TXK: variants seen among roughly 807,000 people sequenced by gnomAD.
The protein encoded by TXK is TXK tyrosine kinase.
In TXK, 60 loss-of-function variants were observed where a neutral mutation model predicts 81.0. That is an observed-to-expected ratio of 0.74 (90% CI 0.60 to 0.92). The LOEUF (loss-of-function observed/expected upper bound fraction) is 0.92. Among genes scored for constraint, TXK ranks in the 40% least tolerant of loss-of-function variants. The pLI, the probability that TXK is intolerant of heterozygous loss-of-function variation, is 0.00. For missense variants in TXK, 581 were observed against 638.3 expected (o/e 0.91, Z 0.97); for synonymous variants, 203 against 210.7 (o/e 0.96, Z 0.32).
At chr4:48,094,347 GC>G (rs901063908) in intron 7 of TXK, 143 bp from the exon 8 acceptor site, 4 of 865,828 alleles carry the variant, frequency 4.6e-6, no homozygotes, top group Non-Finnish European at 7.0e-6. Flanking sequence ...TTCAACAAGT[GC>G]CCCCCCATGC....
chr4:48,085,173 A>G (rs1472142409), intron 10 of TXK, among the ~76,000 whole-genome samples: 3 of 152,180 alleles, frequency 2.0e-5, no homozygotes, highest in Admixed American at 1.3e-4. Flanking sequence ...GAGCCACAGA[A>G]ATGGGTTCAA....
intron 1 of TXK, among the ~76,000 whole-genome samples, chr4:48,116,773 T>C (rs979954212): frequency 1.3e-5 from 2 of 152,204 alleles, no homozygotes; most frequent in Non-Finnish European, 2.9e-5. Flanking sequence ...CAGATGGTTG[T>C]ATGTAAATCA....
intron 9 of TXK, 65 bp from the exon 10 acceptor site, chr4:48,086,702 A>C: frequency 6.9e-7 from 1 of 1,450,840 alleles, no homozygotes; most frequent in Non-Finnish European, 9.6e-7. Flanking sequence ...AGGGCTGGAA[A>C]ATGTTTAGGA....
intron 1 of TXK, among the ~76,000 whole-genome samples, chr4:48,129,835 G>C (rs1719201643): frequency 1.3e-5 from 2 of 152,144 alleles, no homozygotes. Flanking sequence ...TTTTCTGTGA[G>C]CTCAAAGTTC....
chr4:48,088,173 GGGCAAAGGTAT>G (rs1249255713), intron 9 of TXK, among the ~76,000 whole-genome samples: 2 of 152,098 alleles, frequency 1.3e-5, no homozygotes, highest in Non-Finnish European at 2.9e-5. Flanking sequence ...ATATTGGCAA[GGGCAAAGGTAT>G]GGAGCCGCTA....
chr4:48,127,900 C>T (rs1180204756), intron 1 of TXK, among the ~76,000 whole-genome samples: 1 of 152,164 alleles, frequency 6.6e-6, no homozygotes, highest in African/African-American at 2.4e-5. Context: ...CCTTCCACCC[C>T]CAGAGGTTCC....
intron 9 of TXK, among the ~76,000 whole-genome samples, chr4:48,086,907 G>A (rs953411958): frequency 6.6e-6 from 1 of 152,064 alleles, no homozygotes; most frequent in Middle Eastern, 3.2e-3. Context: ...AGACAACAGC[G>A]AACACACTTC....
intron 14 of TXK, among the ~76,000 whole-genome samples, chr4:48,070,628 G>C (rs1716805014): frequency 6.6e-6 from 1 of 151,960 alleles, no homozygotes. Flanking sequence ...GTCCAGGCTG[G>C]AGTGTAGTGG....
chr4:48,112,383 C>CA lies in TXK; in HGVS notation c.303_304insT (p.Ala102CysfsTer28). On this transcript the variant is annotated frameshift_variant, in exon 4 of 15. Transcript: ENST00000264316. LOFTEE classifies it high-confidence loss of function. Reference sequence around the variant, plus strand: ...AGGTATTCTTCTGCTCTCCTTAAGGCTAAATTACAGGGTTCTCTGGGCAGA... The same window carrying CA: ...AGGTATTCTTCTGCTCTCCTTAAGGCATAAATTACAGGGTTCTCTGGGCAGA... 1 of 1,614,174 alleles carries CA rather than the reference C, an allele frequency of 6.2e-7. No individual in the cohort carries two copies. Among genetic ancestry groups the CA allele is most frequent in the Admixed American group, 1.7e-5 (1 of 60,016 alleles).
chr4:48,128,858 C>T (rs184733636), intron 1 of TXK, among the ~76,000 whole-genome samples: 145 of 152,132 alleles, frequency 9.5e-4, no homozygotes, highest in African/African-American at 3.3e-3. Flanking sequence ...TGAGCCACCG[C>T]GCCCAGCCTA....
At chr4:48,130,369 G>A (rs1420747317) in intron 1 of TXK, among the ~76,000 whole-genome samples, 1 of 152,106 alleles carries the variant, frequency 6.6e-6, no homozygotes, top group Non-Finnish European at 1.5e-5. Flanking sequence ...AGTCAAGCTG[G>A]GCCCAACCAG....
At chr4:48,094,670 T>C (rs1167261475) in intron 7 of TXK, among the ~76,000 whole-genome samples, 1 of 152,190 alleles carries the variant, frequency 6.6e-6, no homozygotes, top group East Asian at 1.9e-4. Context: ...ATTGTCCCAC[T>C]GAAGTGCAAA....
intron 10 of TXK, among the ~76,000 whole-genome samples, chr4:48,082,676 T>C (rs1302596745): frequency 6.6e-6 from 1 of 152,164 alleles, no homozygotes; most frequent in East Asian, 1.9e-4. Flanking sequence ...ATTCCTGTTT[T>C]TGTGCCCCAA....
At chr4:48,090,355 C>T (rs1158429738) in intron 8 of TXK, among the ~76,000 whole-genome samples, 1 of 152,112 alleles carries the variant, frequency 6.6e-6, no homozygotes, top group East Asian at 1.9e-4. Flanking sequence ...CAAAGCGTGT[C>T]CAGAAAGGAT....
At chr4:48,080,169 T>G (rs760924057) in intron 10 of TXK, 41 bp from the exon 11 acceptor site, 12 of 1,489,242 alleles carry the variant, frequency 8.1e-6, no homozygotes, top group Middle Eastern at 1.7e-4. Flanking sequence ...GAATTGTGTT[T>G]GCATTTTTAA....
rs566840762 is a variant in TXK, at chr4:48,070,027, T to C, written c.1515+1490A>G. Among the ~76,000 whole-genome samples the C allele has an allele frequency of 6.6e-5, 10 of 152,374 alleles. No individual in the cohort carries two copies. In the South Asian group the frequency reaches 2.1e-3, roughly 32 times the overall value. ...AATATTTTCATACATTGGGGCTCTC[T>C]ATAAATGTAATGCTTTTGGAATATG... On this transcript the variant is annotated intron_variant, in intron 14 of 14. Transcript: ENST00000264316.
chr4:48,096,991 C>T (rs1297295550), intron 6 of TXK, among the ~76,000 whole-genome samples: 2 of 151,458 alleles, frequency 1.3e-5, no homozygotes, highest in African/African-American at 4.9e-5. Flanking sequence ...CAAGCAATAG[C>T]AATAAAAATA....
At chr4:48,111,812 T>C (rs995421040) in intron 4 of TXK, among the ~76,000 whole-genome samples, 2 of 152,278 alleles carry the variant, frequency 1.3e-5, no homozygotes, top group Admixed American at 6.5e-5. Flanking sequence ...TCTGTTGCAA[T>C]TGGCACAATG....
chr4:48,116,562 G>A (rs1320832887), intron 1 of TXK, among the ~76,000 whole-genome samples: 2 of 152,200 alleles, frequency 1.3e-5, no homozygotes, highest in Non-Finnish European at 2.9e-5. Flanking sequence ...AAGTGAGGAG[G>A]GAAGGGAAGG....
Sources: gnomAD v4.1 joint callset for allele counts (sites outside exome capture counted in the v4.1 genomes callset) on GRCh38, gnomAD v4.1.1 for gene constraint, MANE v1.5 for transcripts, NCBI Gene and HGNC (gene_info 2026-07-23, HGNC 2026-07-21) for gene names.